MCTP1: variants seen among roughly 807,000 people sequenced by gnomAD.
MCTP1 encodes multiple C2 and transmembrane domain containing 1.
Under a neutral mutation model 120.6 loss-of-function variants are expected in MCTP1, and 69 were observed. That is an observed-to-expected ratio of 0.57 (90% CI 0.47 to 0.70). The LOEUF is 0.70. Among genes scored for constraint, MCTP1 ranks in the 30% least tolerant of loss-of-function variants. The pLI is 0.00. For missense variants in MCTP1, 1,203 were observed against 1,248.8 expected (o/e 0.96, Z 0.55); for synonymous variants, 529 against 493.1 (o/e 1.07, Z -0.96).
intron 1 of MCTP1, among the ~76,000 whole-genome samples, chr5:95,044,846 T>A (rs11956117): frequency 3.5e-4 from 53 of 152,066 alleles, no homozygotes; most frequent in African/African-American, 1.2e-3. Context: ...CCGTCATCCC[T>A]AACGTGAATC....
At position 95,103,696 on chromosome 5, in the gene MCTP1, C is replaced by A. The variant is rs115692679; in HGVS notation, c.721-86212G>T. ...TATTCAACAATTTTCGAGTGCCTTT[C>A]GATCAGCATGTCTCCAATGTAGGGG... is the stretch of plus-strand genomic sequence containing the variant. On this transcript the variant is annotated intron_variant, in intron 1 of 22. Transcript: ENST00000515393. 4.1e-3 allele frequency among the ~76,000 whole-genome samples: 628 copies of A among 152,254 alleles called. 4 individuals are homozygous for A. The highest frequency in any genetic ancestry group is 6.3e-3 in the Non-Finnish European group (430 of 68,022).
chr5:94,772,047 T>A (rs1406122545), intron 19 of MCTP1, among the ~76,000 whole-genome samples: 1 of 152,124 alleles, frequency 6.6e-6, no homozygotes, highest in African/African-American at 2.4e-5. Context: ...ACCAGTTAGT[T>A]TGTGTTTTAC....
intron 12 of MCTP1, among the ~76,000 whole-genome samples, chr5:94,875,759 T>C (rs1798736846): frequency 6.6e-6 from 1 of 151,950 alleles, no homozygotes; most frequent in Non-Finnish European, 1.5e-5. Flanking sequence ...CTTTTTTTTT[T>C]TTTTCCAAGG....
intron 1 of MCTP1, among the ~76,000 whole-genome samples, chr5:95,135,278 G>C (rs534404671): frequency 6.6e-6 from 1 of 152,118 alleles, no homozygotes; most frequent in South Asian, 2.1e-4. Flanking sequence ...AAATCACAAA[G>C]AAAGAAAGAA....
At chr5:94,812,066 T>G (rs1783536890) in intron 17 of MCTP1, among the ~76,000 whole-genome samples, 1 of 152,202 alleles carries the variant, frequency 6.6e-6, no homozygotes, top group South Asian at 2.1e-4. Flanking sequence ...CTTTGAGTAC[T>G]GTTTTAAAGA....
At chr5:95,219,331 A>G (rs866695082) in intron 1 of MCTP1, among the ~76,000 whole-genome samples, 3 of 151,364 alleles carry the variant, frequency 2.0e-5, no homozygotes, top group African/African-American at 7.3e-5. Context: ...GCAGTGAGCC[A>G]AGATCGCGTC....
At chr5:94,974,171 C>T (rs1827522503) in intron 2 of MCTP1, among the ~76,000 whole-genome samples, 1 of 152,074 alleles carries the variant, frequency 6.6e-6, no homozygotes, top group African/African-American at 2.4e-5. Context: ...AAATGGTTAT[C>T]AAATCTCTGA....
At chr5:94,943,100 C>T (rs1231280456) in intron 3 of MCTP1, among the ~76,000 whole-genome samples, 1 of 151,978 alleles carries the variant, frequency 6.6e-6, no homozygotes, top group African/African-American at 2.4e-5. Flanking sequence ...TGTCTCTGAC[C>T]TCTTGGATTG....
chr5:94,941,316 G>A (rs1013269757), intron 4 of MCTP1, among the ~76,000 whole-genome samples: 1 of 152,004 alleles, frequency 6.6e-6, no homozygotes, highest in African/African-American at 2.4e-5. Flanking sequence ...GCAGGGAGGT[G>A]TGAGCCTGTG....
chr5:94,939,533 C>T (rs1253147887), intron 5 of MCTP1, among the ~76,000 whole-genome samples: 1 of 151,958 alleles, frequency 6.6e-6, no homozygotes, highest in Non-Finnish European at 1.5e-5. Context: ...TTGTCAGTTT[C>T]TCATAGCAGC....
intron 2 of MCTP1, among the ~76,000 whole-genome samples, chr5:95,014,588 A>G (rs1836705564): frequency 6.6e-6 from 1 of 152,224 alleles, no homozygotes; most frequent in South Asian, 2.1e-4. Flanking sequence ...ACACTGTTGA[A>G]ATGTTTGATA....
At chr5:94,839,736 G>T (rs1392231607) in intron 17 of MCTP1, among the ~76,000 whole-genome samples, 3 of 152,052 alleles carry the variant, frequency 2.0e-5, no homozygotes, top group African/African-American at 7.2e-5. Context: ...TTTGAAGCCT[G>T]GCTCTGGCAC....
At chr5:95,081,528 C>G in intron 1 of MCTP1, 1 of 1,584,318 alleles carries the variant, frequency 6.3e-7, no homozygotes, top group Non-Finnish European at 8.6e-7. Context: ...AGTGAGAGAA[C>G]TGCATATTTA....
intron 19 of MCTP1, among the ~76,000 whole-genome samples, chr5:94,755,421 C>T (rs1168779946): frequency 6.6e-6 from 1 of 152,118 alleles, no homozygotes; most frequent in Non-Finnish European, 1.5e-5. Flanking sequence ...CCTCTCTTTC[C>T]CCGCTTCAGA....
intron 3 of MCTP1, among the ~76,000 whole-genome samples, chr5:94,952,984 T>C (rs1388052961): frequency 6.6e-6 from 1 of 152,176 alleles, no homozygotes; most frequent in Non-Finnish European, 1.5e-5. Flanking sequence ...GCACAAGGGA[T>C]ACACTTCATA....
Position 94,708,554 on chromosome 5 carries a change from T to A in MCTP1, c.2886A>T (p.Glu962Asp). Residue 962 changes from glutamate to aspartate, a missense_variant, in exon 22 of 23, where the codon GAA becomes GAT. Around this residue, in one of 2 missense-constraint regions of MCTP1, gnomAD observed 740 missense variants for 871.1 expected, o/e 0.85. Transcript: ENST00000515393. ...LRSPYAIDNN[E>D]LLDFLSRVPS... is the part of the protein sequence containing the mutation. ...GGACTCTGGAAAGGAAGTCAAGTAG[T>A]TCATTGTTATCAATTGCATATGGAC... 6.2e-7 allele frequency: 1 copy of A among 1,611,468 alleles called. No individual in the cohort carries two copies. Among genetic ancestry groups the A allele is most frequent in the Non-Finnish European group, 8.5e-7 (1 of 1,178,164 alleles).
chr5:94,920,497 C>A (rs563349179), intron 7 of MCTP1, among the ~76,000 whole-genome samples: 1 of 152,186 alleles, frequency 6.6e-6, no homozygotes, highest in East Asian at 1.9e-4. Context: ...AATCCCAGCA[C>A]TTTGGGAGGC....
chr5:95,238,803 T>C (rs1755841948), intron 1 of MCTP1, among the ~76,000 whole-genome samples: 1 of 152,096 alleles, frequency 6.6e-6, no homozygotes. Context: ...CCCTAAGCCC[T>C]CACTATTCCA....
chr5:94,753,467 C>T (rs1050404412), intron 19 of MCTP1, among the ~76,000 whole-genome samples: 3 of 152,176 alleles, frequency 2.0e-5, no homozygotes, highest in African/African-American at 4.8e-5. Context: ...AAAAATTCAT[C>T]GTGTAAAGGT....
Sources: gnomAD v4.1 joint callset for allele counts (sites outside exome capture counted in the v4.1 genomes callset) on GRCh38, gnomAD v4.1.1 for gene constraint, gnomAD v4.1.1 regional missense constraint, MANE v1.5 for transcripts, NCBI Gene and HGNC (gene_info 2026-07-23, HGNC 2026-07-21) for gene names.